Variants in NBAS observed in about 807,000 individuals in gnomAD.
The protein encoded by NBAS is NBAS subunit of NRZ tethering complex.
Under a neutral mutation model 302.5 loss-of-function variants are expected in NBAS, and 219 were observed. The ratio of observed to expected loss-of-function variants is 0.72; its 90% CI spans 0.65 to 0.81. The LOEUF is 0.81. NBAS is among the 30% of genes least tolerant of loss of function. NBAS has a pLI of 0.00. For synonymous variants in NBAS, 1,118 were observed against 1,021.6 expected (o/e 1.09, Z -1.80); for missense variants, 2,932 against 2,841.6 (o/e 1.03, Z -0.72).
the NBAS span, among the ~76,000 whole-genome samples, chr2:15,155,053 G>A: frequency 7.9e-5 from 12 of 152,138 alleles, 1 homozygote; most frequent in South Asian, 4.1e-4. Flanking sequence ...GCTCTGTCAC[G>A]TAACTAGCTG....
rs546212642 is a variant in NBAS, at chr2:15,443,999, A to C, written c.2340-16205T>G. The stretch of plus-strand genomic sequence containing the variant: ...CTACAAACCACTGCTCAATGAAATA[A>C]AAGAGGATACAAACAAATGGAAGAA... On this transcript the variant is annotated intron_variant, in intron 21 of 51. Coordinates refer to ENST00000281513, the MANE Select transcript of NBAS (RefSeq NM_015909.4). Among the ~76,000 whole-genome samples the C allele has an allele frequency of 3.8e-3, 584 of 151,862 alleles. 13 individuals carry two copies. The South Asian group carries it at 0.064, about 17-fold the overall frequency.
intron 4 of NBAS, 141 bp from the exon 5 acceptor site, chr2:15,553,614 C>T (rs1664484637): frequency 2.5e-6 from 2 of 792,984 alleles, no homozygotes; most frequent in East Asian, 5.3e-5. Context: ...TTTGACCTTA[C>T]AATTAGATGA....
chr2:15,366,751 T>C lies in NBAS; in HGVS notation c.3704-58A>G, dbSNP rs1015721794. The C allele has an allele frequency of 4.7e-6, 7 of 1,498,392 alleles. No homozygotes were observed. In the African/African-American group the frequency reaches 9.7e-5, roughly 21 times the overall value. The allele number at this position is 1,498,392 out of a possible 1,614,324, so 92.8% of individuals were successfully genotyped here. On this transcript the variant is annotated intron_variant, in intron 31 of 51. Transcript: ENST00000281513. ...CAGGGACATCACAAAAGGGTGTTAATGGCCTTCCTAATGCAAGGCATCCAA... is the reference window on the plus strand; with the variant it reads ...CAGGGACATCACAAAAGGGTGTTAACGGCCTTCCTAATGCAAGGCATCCAA...
At chr2:15,389,379 T>C (rs1326702049) in intron 28 of NBAS, among the ~76,000 whole-genome samples, 3 of 152,244 alleles carry the variant, frequency 2.0e-5, no homozygotes, top group Non-Finnish European at 4.4e-5. Context: ...GAAGCCCATA[T>C]TGACAGAAGA....
At chr2:14,841,574 C>G in the NBAS span, among the ~76,000 whole-genome samples, 4 of 150,602 alleles carry the variant, frequency 2.7e-5, no homozygotes, top group South Asian at 2.1e-4. Context: ...CTGTAAGAGT[C>G]TATATATAAA....
the NBAS span, among the ~76,000 whole-genome samples, chr2:15,083,973 T>TA: frequency 8.0e-3 from 1,210 of 151,468 alleles, 17 homozygotes; most frequent in African/African-American, 0.028. Flanking sequence ...TTAGATCGAA[T>TA]AAAAAAAACT....
At chr2:15,054,804 A>G in the NBAS span, among the ~76,000 whole-genome samples, 3,850 of 152,250 alleles carry the variant, frequency 0.025, 76 homozygotes, top group Middle Eastern at 0.099. Context: ...TTTAAGCATC[A>G]TTTCCAAGCA....
chr2:15,314,294 T>C (rs1184693374), intron 38 of NBAS, among the ~76,000 whole-genome samples: 1 of 152,156 alleles, frequency 6.6e-6, no homozygotes, highest in Non-Finnish European at 1.5e-5. Context: ...AGGCAGAGAC[T>C]GCAGTGCGCC....
chr2:14,808,748 C>A, the NBAS span, among the ~76,000 whole-genome samples: 1 of 152,116 alleles, frequency 6.6e-6, no homozygotes, highest in Non-Finnish European at 1.5e-5. Flanking sequence ...AAATGGATAA[C>A]AAGTAGAGAT....
the NBAS span, among the ~76,000 whole-genome samples, chr2:15,008,260 A>G: frequency 2.0e-5 from 3 of 152,038 alleles, no homozygotes; most frequent in African/African-American, 7.2e-5. Context: ...AGTCACAGAG[A>G]CCCCGCTAAG....
the NBAS span, among the ~76,000 whole-genome samples, chr2:15,078,886 A>C: frequency 1.3e-5 from 2 of 152,228 alleles, no homozygotes; most frequent in Non-Finnish European, 2.9e-5. Context: ...TTTATATACC[A>C]GTAAATTTCA....
intron 48 of NBAS, among the ~76,000 whole-genome samples, chr2:15,190,953 T>C (rs558581616): frequency 3.3e-5 from 5 of 152,320 alleles, no homozygotes; most frequent in African/African-American, 1.2e-4. Flanking sequence ...AAGTAGTCTC[T>C]GCCAAATACA....
intron 7 of NBAS, among the ~76,000 whole-genome samples, chr2:15,538,634 G>A (rs1663638560): frequency 6.6e-6 from 1 of 152,114 alleles, no homozygotes; most frequent in African/African-American, 2.4e-5. Context: ...GATGAAGGAG[G>A]ATAGAAACTA....
chr2:15,203,819 G>A (rs1437492922), intron 48 of NBAS, among the ~76,000 whole-genome samples: 1 of 151,762 alleles, frequency 6.6e-6, no homozygotes, highest in Non-Finnish European at 1.5e-5. Flanking sequence ...ACTAATAAGT[G>A]AATAAGATAA....
At chr2:15,560,374 C>CTCTATAA (rs1399894996) in intron 1 of NBAS, among the ~76,000 whole-genome samples, 1 of 152,126 alleles carries the variant, frequency 6.6e-6, no homozygotes, top group African/African-American at 2.4e-5. Flanking sequence ...AATTATCAAC[C>CTCTATAA]TCTATAACCC....
At chr2:14,978,831 C>A in the NBAS span, among the ~76,000 whole-genome samples, 1 of 152,184 alleles carries the variant, frequency 6.6e-6, no homozygotes, top group Non-Finnish European at 1.5e-5. Context: ...CATCTCCCTT[C>A]TCCCTTTTTC....
chr2:15,494,511 A>T (rs778979815), intron 11 of NBAS, among the ~76,000 whole-genome samples: 2 of 152,196 alleles, frequency 1.3e-5, no homozygotes, highest in African/African-American at 2.4e-5. Context: ...TTCCAACAAC[A>T]TGTCTCATTC....
chr2:14,871,567 A>G, the NBAS span, among the ~76,000 whole-genome samples: 1 of 152,146 alleles, frequency 6.6e-6, no homozygotes, highest in Non-Finnish European at 1.5e-5. Context: ...CATGTAAAAG[A>G]TAAAAGCAAA....
the NBAS span, among the ~76,000 whole-genome samples, chr2:14,914,010 C>T: frequency 7.2e-5 from 11 of 152,250 alleles, no homozygotes; most frequent in African/African-American, 2.6e-4. Flanking sequence ...AGAGGCCTCA[C>T]AATCATGGTG....
Sources: allele counts gnomAD v4.1 joint callset (sites outside exome capture counted in the v4.1 genomes callset), GRCh38; gene constraint gnomAD v4.1.1; transcripts MANE v1.5; gene names NCBI Gene and HGNC (gene_info 2026-07-23, HGNC 2026-07-21).